WFDC3: variants seen among roughly 807,000 people sequenced by gnomAD.
WFDC3 encodes WAP four-disulfide core domain protein 3.
Under a neutral mutation model 25.8 loss-of-function variants are expected in WFDC3, and 15 were observed. That is an observed-to-expected ratio of 0.58 (90% CI 0.39 to 0.89). WFDC3 has a LOEUF of 0.89. Among genes scored for constraint, WFDC3 ranks in the 40% least tolerant of loss-of-function variants. The probability of loss-of-function intolerance (pLI) is 0.00; values close to 1 mark genes in which losing one functional copy is unlikely to be tolerated. For synonymous variants in WFDC3, 103 were observed against 107.1 expected (o/e 0.96, Z 0.24); for missense variants, 264 against 289.8 (o/e 0.91, Z 0.65).
chr20:45,789,856 C>A, intron 2 of WFDC3, 38 bp downstream of exon 2: 1 of 1,584,932 alleles, frequency 6.3e-7, no homozygotes, highest in Middle Eastern at 1.7e-4. Context: ...TAGTCACTTT[C>A]TGTTACTGTT....
At position 45,775,568 on chromosome 20, in the gene WFDC3, G is replaced by A. The variant is rs1410131729; in HGVS notation, c.528C>T (p.Gly176=). ...CCATCACACAGCCAACAATGCACAG[G>A]CCCACCAGAACTTTTGGACAATCAC... is the stretch of plus-strand genomic sequence containing the variant. ...RGGDCPKVLV[G]LCIVGCVMDE... Residue 176 remains glycine (G), a synonymous_variant, in exon 6 of 7, where the codon GGC becomes GGT. Transcript: ENST00000243938. The A allele has an allele frequency of 1.2e-6, 2 of 1,613,988 alleles. No homozygotes were observed. Among genetic ancestry groups the A allele is most frequent in the African/African-American group, 2.7e-5 (2 of 74,910 alleles).
chr20:45,779,239 C>T (rs66628061), intron 4 of WFDC3, among the ~76,000 whole-genome samples: 9,349 of 152,278 alleles, frequency 0.061, 313 homozygotes, highest in Middle Eastern at 0.1. Flanking sequence ...TTATTTCAAG[C>T]TTCTTAAGTA....
At position 45,774,377 on chromosome 20, in the gene WFDC3, C is replaced by T. The variant is rs1305712396; in HGVS notation, c.*51G>A. The T allele has an allele frequency of 1.9e-6, 3 of 1,613,884 alleles. No individual in the cohort carries two copies. The highest frequency in any genetic ancestry group is 2.5e-6 in the Non-Finnish European group (3 of 1,179,850). ...CCAGGATGTCACCCTCTCTTGACTG[C>T]CAGGAAAAGCTTCCAGAATTACCAA... On this transcript the variant is annotated 3_prime_UTR_variant, in exon 7 of 7. Coordinates refer to ENST00000243938, the MANE Select transcript of WFDC3 (RefSeq NM_080614.2).
At chr20:45,776,421 C>A (rs111504208) in intron 5 of WFDC3, among the ~76,000 whole-genome samples, 6,658 of 150,110 alleles carry the variant, frequency 0.044, 147 homozygotes, top group Middle Eastern at 0.099. Context: ...GCCTGGTCAA[C>A]ATGATGAAAA....
chr20:45,788,769 G>T, intron 3 of WFDC3, 162 bp downstream of exon 3: 1 of 934,562 alleles, frequency 1.1e-6, no homozygotes, highest in Non-Finnish European at 1.5e-6. Flanking sequence ...TGGGGGCACT[G>T]AATAATTAAA....
At chr20:45,781,893 A>C (rs2145685377) in intron 4 of WFDC3, among the ~76,000 whole-genome samples, 1 of 152,370 alleles carries the variant, frequency 6.6e-6, no homozygotes, top group African/African-American at 2.4e-5. Flanking sequence ...CTTGCCAGCA[A>C]GCCTTTTTAA....
intron 1 of WFDC3, 61 bp downstream of exon 1, chr20:45,791,771 C>T: frequency 2.7e-6 from 1 of 375,710 alleles, no homozygotes; most frequent in Non-Finnish European, 4.7e-6. Flanking sequence ...CCACTGAACA[C>T]CCACACTGCA....
At chr20:45,783,555 T>C (rs913824561) in intron 4 of WFDC3, among the ~76,000 whole-genome samples, 4 of 151,908 alleles carry the variant, frequency 2.6e-5, no homozygotes, top group Non-Finnish European at 4.4e-5. Flanking sequence ...ATCCCCATTT[T>C]ACAGATAATA....
intron 4 of WFDC3, among the ~76,000 whole-genome samples, chr20:45,779,254 GA>G (rs1310664879): frequency 6.6e-6 from 1 of 152,222 alleles, no homozygotes; most frequent in East Asian, 1.9e-4. Context: ...TAAGTAAAGA[GA>G]AAGGTGACAG....
At chr20:45,774,547 A>C in intron 6 of WFDC3, 103 bp from the exon 7 acceptor site, 2 of 1,497,810 alleles carry the variant, frequency 1.3e-6, no homozygotes, top group Non-Finnish European at 9.2e-7. Flanking sequence ...TATTGCTCTC[A>C]AAAGTCTTAA....
intron 4 of WFDC3, among the ~76,000 whole-genome samples, chr20:45,787,290 T>TC (rs1980721534): frequency 8.7e-6 from 1 of 115,004 alleles, no homozygotes; most frequent in Admixed American, 8.1e-5. Context: ...TTCTTTTTTT[T>TC]TTTTTTTTTT....
chr20:45,776,278 C>CTCTGTG (rs1555812707), intron 5 of WFDC3, among the ~76,000 whole-genome samples: 1 of 101,952 alleles, frequency 9.8e-6, no homozygotes, highest in Admixed American at 1.1e-4. Flanking sequence ...GCTTTTATCT[C>CTCTGTG]TGTGTGTGTG....
chr20:45,790,874 T>C (rs1175894412), intron 1 of WFDC3: 1 of 471,006 alleles, frequency 2.1e-6, no homozygotes, highest in South Asian at 1.5e-5. Context: ...GAAGTCTAGC[T>C]GGCAGAACCC....
chr20:45,788,156 A>C lies in WFDC3; in HGVS notation c.212-174T>G, dbSNP rs181886676. 5.7e-4 allele frequency: 313 copies of C among 553,918 alleles called. 1 individual carries two copies. In the African/African-American group the frequency reaches 5.8e-3, roughly 10 times the overall value. 34.3% of individuals were successfully genotyped at this position (553,918 alleles called of 1,614,324 possible). A position where few individuals can be genotyped will look rare whatever the true frequency, so the allele number is the denominator to read the frequency against. On this transcript the variant is annotated intron_variant, in intron 3 of 6. Coordinates refer to ENST00000243938, the MANE Select transcript of WFDC3 (RefSeq NM_080614.2). ...CCATCTCTACTAAAAATACAAAATTAGTCGGGGGTGGTGGCACATGCCTGT... is the reference window on the plus strand; with the variant it reads ...CCATCTCTACTAAAAATACAAAATTCGTCGGGGGTGGTGGCACATGCCTGT...
chr20:45,779,562 T>C (rs1980346085), intron 4 of WFDC3, among the ~76,000 whole-genome samples: 1 of 151,874 alleles, frequency 6.6e-6, no homozygotes, highest in African/African-American at 2.4e-5. Context: ...ACCAAATGCA[T>C]CTCCCTGCAC....
chr20:45,776,318 G>GTGTGTGTGTGTGTGTGTGTGTGTGTGTA lies in WFDC3; in HGVS notation c.494-717_494-716insTACACACACACACACACACACACACACA, dbSNP rs58644271. On this transcript the variant is annotated intron_variant, in intron 5 of 6. Coordinates refer to ENST00000243938, the MANE Select transcript of WFDC3 (RefSeq NM_080614.2). ...TGTGTGTGTGTGTGTGTGTGTGTGT[G>GTGTGTGTGTGTGTGTGTGTGTGTGTGTA]TGTTTCCAGCTGGGCGTGGTGGCTC... 1.4e-4 allele frequency among the ~76,000 whole-genome samples: 19 copies of GTGTGTGTGTGTGTGTGTGTGTGTGTGTA among 139,904 alleles called. 1 individual carries two copies. The highest frequency in any genetic ancestry group is 2.6e-4 in the Non-Finnish European group (17 of 64,192). The allele number at this position is 139,904 out of a possible 152,430, so 91.8% of individuals were successfully genotyped here.
chr20:45,777,282 A>G (rs1980236545), intron 4 of WFDC3, 73 bp from the exon 5 acceptor site: 5 of 1,310,682 alleles, frequency 3.8e-6, no homozygotes, highest in Non-Finnish European at 3.9e-6. Flanking sequence ...TCCCATGTGT[A>G]TGTTTATATA....
In WFDC3 at chr20:45,777,132, C is replaced by T. The variant is rs765614687; in HGVS notation, c.436G>A (p.Gly146Arg). ...CAGCCGGTGCTGCAGCATTTATGCC[C>T]CTGGGGACAGGATGCATCCCCATCA... Reference protein sequence around the residue: ...LCDGDASCPQGHKCCSTGCGR... With the variant: ...LCDGDASCPQRHKCCSTGCGR... The change falls in exon 5 of 7, where the codon GGG becomes AGG. Residue 146 changes from glycine (G) to arginine (R), a missense_variant. Transcript: ENST00000243938. 8 of 1,611,284 alleles carry T rather than the reference C, an allele frequency of 5.0e-6. 1 individual carries two copies. The South Asian group carries it at 8.8e-5, about 18-fold the overall frequency.
Position 45,774,282 on chromosome 20 carries a change from G to T in WFDC3, c.*146C>A. 1 of 1,100,156 alleles carries T rather than the reference G, an allele frequency of 9.1e-7. No individual in the cohort carries two copies. The allele number at this position is 1,100,156 out of a possible 1,614,324, so 68.1% of individuals were successfully genotyped here. A position where few individuals can be genotyped will look rare whatever the true frequency, so the allele number is the denominator to read the frequency against. ...TACCCAATCCAGGGCTATTTCCCAT[G>T]CTCTGGTCAGCGGCAGGAGGAGAAG... is the stretch of plus-strand genomic sequence containing the variant. On this transcript the variant is annotated 3_prime_UTR_variant, in exon 7 of 7. Transcript: ENST00000243938.
Sources: gnomAD v4.1 joint callset for allele counts (sites outside exome capture counted in the v4.1 genomes callset) on GRCh38, gnomAD v4.1.1 for gene constraint, MANE v1.5 for transcripts, NCBI Gene and HGNC (gene_info 2026-07-23, HGNC 2026-07-21) for gene names.